The following KLK5 variants were observed in gnomAD, a reference collection of about 807,000 sequenced individuals.
KLK5 encodes kallikrein related peptidase 5.
A neutral mutation model predicts 24.0 loss-of-function variants in KLK5; 18 were observed. The observed-to-expected ratio is 0.75, with a 90% confidence interval of 0.52 to 1.11. The LOEUF is 1.11. Ranked by LOEUF, KLK5 falls within the 50% of genes most tolerant of loss-of-function variation. KLK5 has a pLI of 0.00. For synonymous variants in KLK5, 140 were observed against 154.0 expected, an observed-to-expected ratio of 0.91 and a Z score of 0.67; for missense variants, 374 against 379.2, an observed-to-expected ratio of 0.99 and a Z score of 0.11.
Position 50,943,420 on chromosome 19 carries a change from G to T in KLK5, c.*211C>A. ...AGATTGAGACGCAACCCCCGCCCTG[G>T]ACAGTTTTGGAAATTGTTCCCAGGG... On this transcript the variant is annotated 3_prime_UTR_variant, in exon 6 of 6. Coordinates refer to ENST00000336334, the MANE Select transcript of KLK5 (RefSeq NM_012427.5). 1 of 499,020 alleles carries T rather than the reference G, an allele frequency of 2.0e-6. No individual in the cohort carries two copies. Among genetic ancestry groups the T allele is most frequent in the Admixed American group, 3.4e-5 (1 of 29,176 alleles). 30.9% of individuals were successfully genotyped at this position (499,020 alleles called of 1,614,324 possible). A position where few individuals can be genotyped will look rare whatever the true frequency, so the allele number is the denominator to read the frequency against.
At chr19:50,952,170 C>T (rs915496287) in intron 2 of KLK5, among the ~76,000 whole-genome samples, 1 of 50,268 alleles carries the variant, frequency 2.0e-5, no homozygotes, top group Non-Finnish European at 3.7e-5. Flanking sequence ...ATCCCGGGAC[C>T]TCAGGGACAG....
At chr19:50,952,531 C>A in intron 2 of KLK5, 54 bp downstream of exon 2, 2 of 1,396,928 alleles carry the variant, frequency 1.4e-6, no homozygotes, top group Admixed American at 2.0e-5. Flanking sequence ...GCTCTAGTGC[C>A]GCAGAGACAG....
In KLK5 at chr19:50,952,916, G is replaced by T. The variant is rs79633852; in HGVS notation, c.-181C>A. ...GACGCACAGACACCTCTCCTTCCCT[G>T]CCTGCTGAGCCACCCTCACCAGGTC... On this transcript the variant is annotated 5_prime_UTR_variant, in exon 1 of 6. Coordinates refer to ENST00000336334, the MANE Select transcript of KLK5 (RefSeq NM_012427.5). 131,808 of 346,300 alleles carry T rather than the reference G, an allele frequency of 0.38. 27,599 individuals carry two copies. Among genetic ancestry groups the T allele is most frequent in the East Asian group, 0.79 (17,516 of 22,232 alleles). 21.5% of individuals were successfully genotyped at this position (346,300 alleles called of 1,614,324 possible).
At chr19:50,952,048 C>A (rs867196212) in intron 2 of KLK5, among the ~76,000 whole-genome samples, 3 of 151,972 alleles carry the variant, frequency 2.0e-5, no homozygotes, top group African/African-American at 7.3e-5. Context: ...GGTAGTCACA[C>A]GGTCACAAAT....
At chr19:50,949,217 C>T (rs960790103) in intron 3 of KLK5, 102 bp from the exon 4 acceptor site, 3 of 1,159,448 alleles carry the variant, frequency 2.6e-6, no homozygotes, top group African/African-American at 3.2e-5. Flanking sequence ...CCCATCCCCA[C>T]CCCCGGTCCC....
In KLK5 at chr19:50,947,821, T is replaced by C. The variant is rs948335305; in HGVS notation, c.726+819A>G. ...GCCCCTATTAGATATGGTATCTTTA[T>C]GCAGTGCACAACCTGCCCAACCATA... On this transcript the variant is annotated intron_variant, in intron 5 of 5. Coordinates refer to ENST00000336334, the MANE Select transcript of KLK5 (RefSeq NM_012427.5). This position sits in a 1 kb window ranked among gnomAD's most constrained non-coding sequence, Gnocchi z 8.7. Among the ~76,000 whole-genome samples the C allele has an allele frequency of 2.6e-5, 4 of 152,208 alleles. No homozygotes were observed. Among genetic ancestry groups the C allele is most frequent in the African/African-American group, 7.2e-5 (3 of 41,460 alleles).
chr19:50,950,278 C>A (rs1320745971), intron 2 of KLK5, 162 bp from the exon 3 acceptor site: 2 of 667,308 alleles, frequency 3.0e-6, no homozygotes, highest in East Asian at 5.4e-5. Flanking sequence ...CAAGCCCAGG[C>A]TCAAGCTCAA....
At chr19:50,952,443 C>A (rs2090695572) in intron 2 of KLK5, 142 bp downstream of exon 2, 3 of 535,718 alleles carry the variant, frequency 5.6e-6, no homozygotes, top group South Asian at 3.4e-5. Flanking sequence ...ATCGCACAAC[C>A]ACAAGTACAG....
Position 50,950,044 on chromosome 19 carries a change from TC to T in KLK5, c.145del (p.Asp49ThrfsTer38), listed in dbSNP as rs2090673087. 6.2e-7 allele frequency: 1 copy of T among 1,613,536 alleles called. No homozygotes were observed. Among genetic ancestry groups the T allele is most frequent in the Non-Finnish European group, 8.5e-7 (1 of 1,179,906 alleles). On this transcript the variant is annotated frameshift_variant, in exon 3 of 6. Transcript: ENST00000336334. LOFTEE classifies it high-confidence loss of function. ...GTCTTCCCCGGCCCCAGCTCCCAGG[TC>T]CTGGTTGCTCCCAGAGGGCACGGTG... ...SNTVPSGSNQ[D>X]LGAGAGEDAR...
In KLK5 at chr19:50,949,973, A is replaced by C. The variant is rs1489284907; in HGVS notation, c.217T>G (p.Cys73Gly). 6.2e-7 allele frequency: 1 copy of C among 1,613,742 alleles called. No individual in the cohort carries two copies. Among genetic ancestry groups the C allele is most frequent in the African/African-American group, 1.3e-5 (1 of 74,860 alleles). The change falls in exon 3 of 6, where the codon TGC (cysteine) becomes GGC (glycine). Residue 73 changes from cysteine to glycine, a missense_variant. Transcript: ENST00000336334. ...TGCCACGGCTGGGTGTGCATATCGC[A>C]GTCGGATCCATTGATGATGCGGCTG... ...SSSRIINGSD[C>G]DMHTQPWQAA...
At chr19:50,949,244 C>A in intron 3 of KLK5, 129 bp from the exon 4 acceptor site, 1 of 816,146 alleles carries the variant, frequency 1.2e-6, no homozygotes, top group Non-Finnish European at 1.9e-6. Flanking sequence ...ATCCTCAACT[C>A]CCTCTTGGTC....
Position 50,947,859 on chromosome 19 carries a change from G to C in KLK5, c.726+781C>G, listed in dbSNP as rs1248813040. ...CTGCCCAACCATACAAAACAGCCCTGATCTTTCCCTCTAGATCCGTGCCAT... is the reference window on the plus strand; with the variant it reads ...CTGCCCAACCATACAAAACAGCCCTCATCTTTCCCTCTAGATCCGTGCCAT... On this transcript the variant is annotated intron_variant, in intron 5 of 5. Transcript: ENST00000336334. This position sits in a 1 kb window ranked among gnomAD's most constrained non-coding sequence, Gnocchi z 8.7. Among the ~76,000 whole-genome samples the C allele has an allele frequency of 6.6e-6, 1 of 152,142 alleles. No homozygotes were observed. The highest frequency in any genetic ancestry group is 1.5e-5 in the Non-Finnish European group (1 of 68,030).
intron 2 of KLK5, among the ~76,000 whole-genome samples, chr19:50,950,827 G>A (rs1217431001): frequency 2.1e-5 from 3 of 141,544 alleles, no homozygotes; most frequent in Non-Finnish European, 4.5e-5. Context: ...GGGAGGCAGA[G>A]GTTGCAGTGA....
chr19:50,945,764 C>T (rs2090626617), intron 5 of KLK5, among the ~76,000 whole-genome samples: 1 of 120,676 alleles, frequency 8.3e-6, no homozygotes, highest in African/African-American at 2.7e-5. Flanking sequence ...GCACTCCAGC[C>T]TGGGTGACAG....
In KLK5 at chr19:50,949,800, C is replaced by CCAGCCCTCACCTCCATGCCAA; in HGVS notation, c.335+54_335+55insTTGGCATGGAGGTGAGGGCTG. On this transcript the variant is annotated intron_variant, in intron 3 of 5. Transcript: ENST00000336334. ...TGACACCCCCACCCCCACTTCCCCA[C>CCAGCCCTCACCTCCATGCCAA]CCCCACCCCCACTTCCCCGTCCCCA... 3.0e-5 allele frequency: 7 copies of CCAGCCCTCACCTCCATGCCAA among 235,566 alleles called. 2 individuals carry two copies. Among genetic ancestry groups the CCAGCCCTCACCTCCATGCCAA allele is most frequent in the Admixed American group, 2.3e-4 (3 of 13,216 alleles). The allele number at this position is 235,566 out of a possible 1,614,324, so 14.6% of individuals were successfully genotyped here.
At chr19:50,948,532 G>A in intron 5 of KLK5, 108 bp downstream of exon 5, 1 of 1,061,630 alleles carries the variant, frequency 9.4e-7, no homozygotes, top group Non-Finnish European at 1.4e-6. Context: ...GTGAGAACAG[G>A]GGTCCTGACT....
At chr19:50,951,434 GC>G (rs1293167594) in intron 2 of KLK5, among the ~76,000 whole-genome samples, 1 of 152,068 alleles carries the variant, frequency 6.6e-6, no homozygotes, top group Non-Finnish European at 1.5e-5. Context: ...CACCACACCA[GC>G]TAATTTTTTG....
chr19:50,952,533 C>A, intron 2 of KLK5, 52 bp downstream of exon 2: 1 of 1,418,040 alleles, frequency 7.1e-7, no homozygotes, highest in Admixed American at 2.0e-5. Context: ...TCTAGTGCCG[C>A]AGAGACAGTC....
Position 50,943,746 on chromosome 19 carries a change from T to A in KLK5, c.767A>T (p.Gln256Leu). 6.2e-7 allele frequency: 1 copy of A among 1,613,834 alleles called. No homozygotes were observed. The highest frequency in any genetic ancestry group is 8.5e-7 in the Non-Finnish European group (1 of 1,179,886). ...GTAATCTCCCCAGGACACGAGTCCC[T>A]GCAGGGAGCCATTGCAGACCACAGG... ...GGPVVCNGSL[Q>L]GLVSWGDYPC... The change falls in exon 6 of 6, where the codon CAG becomes CTG. Residue 256 changes from glutamine to leucine, a missense_variant. Gln to Leu is a moderately radical substitution (Grantham distance 113). Transcript: ENST00000336334.
Sources: allele counts gnomAD v4.1 joint callset (sites outside exome capture counted in the v4.1 genomes callset), GRCh38; gene constraint gnomAD v4.1.1; non-coding constraint Gnocchi (gnomAD v3.1); transcripts MANE v1.5; gene names NCBI Gene and HGNC (gene_info 2026-07-23, HGNC 2026-07-21).